The following GNL2 variants were observed in gnomAD, a reference collection of about 807,000 sequenced individuals.
The protein encoded by GNL2 is G protein nucleolar 2.
GNL2 carries 51 observed loss-of-function variants against 92.3 expected under a neutral mutation model. That is an observed-to-expected ratio of 0.55 (90% CI 0.44 to 0.70). The LOEUF is 0.70. Ranked by LOEUF, GNL2 falls within the 30% of genes least tolerant of loss-of-function variation. The pLI, the probability that GNL2 is intolerant of heterozygous loss-of-function variation, is 0.00. For synonymous variants in GNL2, 283 were observed against 300.6 expected (o/e 0.94, Z 0.61); for missense variants, 844 against 895.6 (o/e 0.94, Z 0.74).
At chr1:37,587,543 A>C (rs1643864703) in intron 4 of GNL2, 48 bp from the exon 5 acceptor site, 1 of 1,306,860 alleles carries the variant, frequency 7.7e-7, no homozygotes, top group Non-Finnish European at 1.1e-6. Flanking sequence ...AGCACTGAGA[A>C]AAAGCAAAAA....
chr1:37,588,696 T>C (rs1643870791), intron 4 of GNL2, among the ~76,000 whole-genome samples: 1 of 152,184 alleles, frequency 6.6e-6, no homozygotes, highest in Non-Finnish European at 1.5e-5. Flanking sequence ...ATAAAGCACA[T>C]ATGCAAAGTT....
Position 37,575,558 on chromosome 1 carries a change from C to T in GNL2, c.1143+37G>A, listed in dbSNP as rs746278786. On this transcript the variant is annotated intron_variant, in intron 10 of 15. Coordinates refer to ENST00000373062, the MANE Select transcript of GNL2 (RefSeq NM_013285.3). The surrounding 1 kb of genome is among the most constrained non-coding windows in gnomAD (Gnocchi z 4.1). Reference sequence around the variant, plus strand: ...CAGGGTTCCCTATAGAACACTCCCCCGCAAACACAAACAGCCTATCAGGGC... The same window carrying T: ...CAGGGTTCCCTATAGAACACTCCCCTGCAAACACAAACAGCCTATCAGGGC... 8 of 1,291,168 alleles carry T rather than the reference C, an allele frequency of 6.2e-6. No individual in the cohort carries two copies. Among genetic ancestry groups the T allele is most frequent in the African/African-American group, 1.5e-5 (1 of 65,834 alleles). 80.0% of individuals were successfully genotyped at this position (1,291,168 alleles called of 1,614,324 possible). A position where few individuals can be genotyped will look rare whatever the true frequency, so the allele number is the denominator to read the frequency against.
intron 8 of GNL2, among the ~76,000 whole-genome samples, chr1:37,580,139 A>G (rs531938603): frequency 5.9e-5 from 9 of 152,156 alleles, no homozygotes; most frequent in Non-Finnish European, 1.2e-4. Flanking sequence ...TTAGAATAAG[A>G]AAAGATTGGC....
intron 4 of GNL2, among the ~76,000 whole-genome samples, chr1:37,587,961 T>C (rs1557644324): frequency 6.6e-6 from 1 of 152,214 alleles, no homozygotes; most frequent in African/African-American, 2.4e-5. Flanking sequence ...TTAAACCAAC[T>C]GTAAATGCCA....
rs981165151 is a variant in GNL2 at position 37,589,939 on chromosome 1, T to G, written c.384+767A>C. Reference sequence around the variant, plus strand: ...ATCCTAATTCTACGCTGTCCCAAAGTTTGATGGAATTACCACTTAAAACAA... The same window carrying G: ...ATCCTAATTCTACGCTGTCCCAAAGGTTGATGGAATTACCACTTAAAACAA... On this transcript the variant is annotated intron_variant, in intron 4 of 15. Transcript: ENST00000373062. 1.5e-4 allele frequency among the ~76,000 whole-genome samples: 23 copies of G among 152,268 alleles called. 1 individual carries two copies. The highest frequency in any genetic ancestry group is 1.4e-3 in the Admixed American group (22 of 15,294).
chr1:37,566,850 AAACATTACTGCTTTT>A lies in GNL2; in HGVS notation c.2186_*4del, dbSNP rs1452628189. ...TTGTATAATTTAATAAAAACCTTTTAAACATTACTGCTTTTGTCTGAATTTTTTGCGTTTGTGTTT... is the reference window on the plus strand; with the variant it reads ...TTGTATAATTTAATAAAAACCTTTTAGTCTGAATTTTTTGCGTTTGTGTTT... On this transcript the variant is annotated stop_lost and 3_prime_UTR_variant, in exon 16 of 16. Coordinates refer to ENST00000373062, the MANE Select transcript of GNL2 (RefSeq NM_013285.3). 3.5e-5 allele frequency: 57 copies of A among 1,611,602 alleles called. No homozygotes were observed. The highest frequency in any genetic ancestry group is 4.4e-5 in the Non-Finnish European group (52 of 1,178,894).
At chr1:37,581,317 T>C (rs965430946) in intron 8 of GNL2, 28 of 455,134 alleles carry the variant, frequency 6.2e-5, no homozygotes, top group African/African-American at 5.4e-4. Context: ...ATTAACTAAA[T>C]AGACAAATTC....
At chr1:37,588,547 G>C (rs1643870038) in intron 4 of GNL2, among the ~76,000 whole-genome samples, 1 of 152,164 alleles carries the variant, frequency 6.6e-6, no homozygotes, top group South Asian at 2.1e-4. Context: ...ATGTCACTGG[G>C]TAAAATCAAG....
intron 4 of GNL2, among the ~76,000 whole-genome samples, chr1:37,589,792 C>T (rs1464766617): frequency 1.3e-5 from 2 of 152,188 alleles, no homozygotes; most frequent in African/African-American, 4.8e-5. Context: ...TGAATCCTTA[C>T]TGCACTTCAA....
At chr1:37,590,888 C>A (rs185441817) in intron 3 of GNL2, 43 bp from the exon 4 acceptor site, 31 of 1,493,016 alleles carry the variant, frequency 2.1e-5, no homozygotes, top group Non-Finnish European at 2.5e-5. Flanking sequence ...TTAATATTTG[C>A]GCATCCATCT....
At chr1:37,568,623 T>C (rs544885838) in intron 13 of GNL2, among the ~76,000 whole-genome samples, 1 of 152,208 alleles carries the variant, frequency 6.6e-6, no homozygotes, top group Non-Finnish European at 1.5e-5. Context: ...TGCACACCTG[T>C]AGTCACAGCT....
Position 37,575,681 on chromosome 1 carries a change from A to G in GNL2, c.1057T>C (p.Leu353=), listed in dbSNP as rs577314870. The change falls in exon 10 of 16, where the codon TTG becomes CTG. Residue 353 remains leucine, a synonymous_variant. Transcript: ENST00000373062. This position sits in a 1 kb window ranked among gnomAD's most constrained non-coding sequence, Gnocchi z 4.1. ...TCAATCAGGAATATCCGACGCATCAAAGTAATATACTGCCAGACCTGAAGT... is the reference window on the plus strand; with the variant it reads ...TCAATCAGGAATATCCGACGCATCAGAGTAATATACTGCCAGACCTGAAGT... ...GETKVWQYIT[L]MRRIFLIDCP... 38 of 1,602,824 alleles carry G rather than the reference A, an allele frequency of 2.4e-5. No homozygotes were observed. In the South Asian group the frequency reaches 3.5e-4, roughly 15 times the overall value.
At chr1:37,591,837 C>G (rs771446100) in intron 3 of GNL2, among the ~76,000 whole-genome samples, 8 of 152,158 alleles carry the variant, frequency 5.3e-5, no homozygotes, top group Non-Finnish European at 1.0e-4. Flanking sequence ...CCATGACAGT[C>G]TTATGAGATA....
chr1:37,567,696 G>A lies in GNL2; in HGVS notation c.2020C>T (p.Pro674Ser), dbSNP rs1643528402. Residue 674 changes from proline (P) to serine (S), a missense_variant, in exon 15 of 16, where the codon CCC (proline) becomes TCC (serine). Coordinates refer to ENST00000373062, the MANE Select transcript of GNL2 (RefSeq NM_013285.3). ...EEEQEHSNKA[P>S]RALTSKERRR... is the part of the protein sequence containing the mutation. ...ACTTCTTTTGATGTAAGCGCCCTGG[G>A]AGCTTTATTTGAATGTTCCTGTTCC... 1 of 1,613,294 alleles carries A rather than the reference G, an allele frequency of 6.2e-7. No individual in the cohort carries two copies. Among genetic ancestry groups the A allele is most frequent in the East Asian group, 2.2e-5 (1 of 44,890 alleles).
chr1:37,591,250 ATAGT>A (rs1643885752), intron 3 of GNL2, among the ~76,000 whole-genome samples: 1 of 152,218 alleles, frequency 6.6e-6, no homozygotes, highest in Non-Finnish European at 1.5e-5. Flanking sequence ...AATTTGAGTC[ATAGT>A]TAGCCACTTT....
At position 37,595,881 on chromosome 1, in the gene GNL2, T is replaced by C. The variant is rs1643920751; in HGVS notation, c.-59A>G. ...CCGGCTTACGTGGTGAAACAAACTT[T>C]TATGTTCCCAAGCCCGGCCGAAGAC... is the stretch of plus-strand genomic sequence containing the variant. On this transcript the variant is annotated 5_prime_UTR_variant, in exon 1 of 16. Coordinates refer to ENST00000373062, the MANE Select transcript of GNL2 (RefSeq NM_013285.3). 6.8e-7 allele frequency: 1 copy of C among 1,477,080 alleles called. No homozygotes were observed. Among genetic ancestry groups the C allele is most frequent in the Non-Finnish European group, 9.5e-7 (1 of 1,055,472 alleles). 91.5% of individuals were successfully genotyped at this position (1,477,080 alleles called of 1,614,324 possible).
rs1478479812 is a variant in GNL2, at chr1:37,582,334, T to C, written c.798A>G (p.Lys266=). 1.2e-6 allele frequency: 2 copies of C among 1,600,056 alleles called. No homozygotes were observed. Among genetic ancestry groups the C allele is most frequent in the East Asian group, 2.2e-5 (1 of 44,616 alleles). The stretch of plus-strand genomic sequence containing the variant: ...CCTGGGAGAGGACAGCAACCCACCG[T>C]TTCTAGAAGGAGAGATGAAAACATT... ...KCDLVPTWAT[K]RWVAVLSQDY... Residue 266 remains lysine, a splice_region_variant and synonymous_variant, in exon 8 of 16, where the codon AAA becomes AAG. Coordinates refer to ENST00000373062, the MANE Select transcript of GNL2 (RefSeq NM_013285.3).
At chr1:37,587,566 C>T (rs1643864764) in intron 4 of GNL2, 71 bp from the exon 5 acceptor site, 1 of 944,770 alleles carries the variant, frequency 1.1e-6, no homozygotes, top group African/African-American at 1.7e-5. Context: ...TCAACACCCA[C>T]CTAGGAAAGA....
chr1:37,586,745 T>C (rs1422075556), intron 5 of GNL2, among the ~76,000 whole-genome samples: 1 of 152,224 alleles, frequency 6.6e-6, no homozygotes, highest in African/African-American at 2.4e-5. Flanking sequence ...GGTGTATTAC[T>C]ATTATAAATG....
Sources: gnomAD v4.1 joint callset for allele counts (sites outside exome capture counted in the v4.1 genomes callset) on GRCh38, gnomAD v4.1.1 for gene constraint, Gnocchi (gnomAD v3.1) non-coding constraint, MANE v1.5 for transcripts, NCBI Gene and HGNC (gene_info 2026-07-23, HGNC 2026-07-21) for gene names.